The following FERMT2 variants were observed in gnomAD, a reference collection of about 807,000 sequenced individuals.
The protein encoded by FERMT2 is fermitin family homolog 2.
In FERMT2, 15 loss-of-function variants were observed where a neutral mutation model predicts 82.7. That is an observed-to-expected ratio of 0.18 (90% CI 0.12 to 0.28). The LOEUF is 0.28. Among genes scored for constraint, FERMT2 ranks in the 10% least tolerant of loss-of-function variants. The pLI, the probability that FERMT2 is intolerant of heterozygous loss-of-function variation, is 1.00. For synonymous variants in FERMT2, 274 were observed against 271.5 expected (o/e 1.01, Z -0.09); for missense variants, 645 against 809.4 (o/e 0.80, Z 2.46).
At position 52,893,440 on chromosome 14, in the gene FERMT2, T is replaced by C. The variant is rs373608392; in HGVS notation, c.392-13A>G. On this transcript the variant is annotated splice_polypyrimidine_tract_variant and intron_variant, in intron 3 of 14. Coordinates refer to ENST00000341590, the MANE Select transcript of FERMT2 (RefSeq NM_006832.3). Reference sequence around the variant, plus strand: ...GGGTGTCTGATATCTGTTAATAAAATAGATTGTTTTACTAGAACAAAGGAA... The same window carrying C: ...GGGTGTCTGATATCTGTTAATAAAACAGATTGTTTTACTAGAACAAAGGAA... 3 of 1,564,868 alleles carry C rather than the reference T, an allele frequency of 1.9e-6. No individual in the cohort carries two copies. Among genetic ancestry groups the C allele is most frequent in the Admixed American group, 2.0e-5 (1 of 50,746 alleles).
intron 14 of FERMT2, 120 bp from the exon 15 acceptor site, chr14:52,858,670 T>C (rs1884712388): frequency 2.3e-6 from 2 of 868,948 alleles, no homozygotes; most frequent in Non-Finnish European, 3.5e-6. Flanking sequence ...CCTCAAATGA[T>C]CAGTCTGTCT....
intron 14 of FERMT2, chr14:52,859,325 G>A (rs558480608): frequency 1.7e-4 from 62 of 363,994 alleles, no homozygotes; most frequent in African/African-American, 1.3e-3. Context: ...AGAGTAGATC[G>A]GCTTTATCCA....
intron 14 of FERMT2, 80 bp from the exon 15 acceptor site, chr14:52,858,630 A>AG: frequency 7.8e-7 from 1 of 1,282,818 alleles, no homozygotes; most frequent in South Asian, 1.3e-5. Flanking sequence ...TGCTACTTAA[A>AG]GTCTGTCATA....
At chr14:52,886,484 C>T (rs1468785773) in intron 4 of FERMT2, among the ~76,000 whole-genome samples, 1 of 152,124 alleles carries the variant, frequency 6.6e-6, no homozygotes, top group Non-Finnish European at 1.5e-5. Context: ...GTGTACACCA[C>T]AACGCCCAGC....
intron 3 of FERMT2, among the ~76,000 whole-genome samples, chr14:52,904,322 G>A (rs903096595): frequency 6.6e-6 from 1 of 152,240 alleles, no homozygotes; most frequent in African/African-American, 2.4e-5. Flanking sequence ...TTGGAGACCA[G>A]CCTGGCCAAC....
At chr14:52,946,025 C>T (rs1338067163) in intron 2 of FERMT2, among the ~76,000 whole-genome samples, 1 of 152,028 alleles carries the variant, frequency 6.6e-6, no homozygotes, top group Non-Finnish European at 1.5e-5. Context: ...TACAGGTGCC[C>T]ATCACCATAC....
At position 52,869,122 on chromosome 14, in the gene FERMT2, G is replaced by T. The variant is rs997012761; in HGVS notation, c.1273+3677C>A. Among the ~76,000 whole-genome samples the T allele has an allele frequency of 2.0e-5, 3 of 152,144 alleles. No homozygotes were observed. The East Asian group carries it at 5.8e-4, about 29-fold the overall frequency. ...ACAGTGGATCATTTACGCTGGTCCT[G>T]GGCAGCTGAAGAGGGAAGCAGGAGA... On this transcript the variant is annotated intron_variant, in intron 10 of 14. Coordinates refer to ENST00000341590, the MANE Select transcript of FERMT2 (RefSeq NM_006832.3).
chr14:52,860,790 C>G (rs764094441), intron 12 of FERMT2: 1 of 581,228 alleles, frequency 1.7e-6, no homozygotes, highest in African/African-American at 1.9e-5. Flanking sequence ...CACATATACA[C>G]GAGTTTTAAT....
At chr14:52,862,925 C>CTTTTA (rs1297005842) in intron 12 of FERMT2, 1 of 152,166 alleles carries the variant, frequency 6.6e-6, no homozygotes, top group Non-Finnish European at 1.5e-5. Flanking sequence ...TGTGGCAGCT[C>CTTTTA]TCGTTTAAGC....
At chr14:52,887,738 C>A (rs1886697330) in intron 4 of FERMT2, among the ~76,000 whole-genome samples, 1 of 151,910 alleles carries the variant, frequency 6.6e-6, no homozygotes, top group Admixed American at 6.6e-5. Flanking sequence ...TAGCTCTGCT[C>A]CTTATTACCT....
chr14:52,860,755 T>G, intron 12 of FERMT2: 1 of 569,766 alleles, frequency 1.8e-6, no homozygotes. Flanking sequence ...ACGGTACTAC[T>G]ATTACAGAAC....
rs763706765 is a variant in FERMT2, at chr14:52,864,545, G to A, written c.1458C>T (p.Asn486=). ...KGKTMADSSY[N]LEVQNILSFL... is the part of the protein sequence containing the mutation. ...AGGAAAGAATATTCTGAACTTCTAAGTTGTAAGAACTGTCCGCCATGGTCT... is the reference window on the plus strand; with the variant it reads ...AGGAAAGAATATTCTGAACTTCTAAATTGTAAGAACTGTCCGCCATGGTCT... The change falls in exon 12 of 15, where the codon AAC becomes AAT. Residue 486 remains asparagine (N), a synonymous_variant. Transcript: ENST00000341590. 6 of 1,614,050 alleles carry A rather than the reference G, an allele frequency of 3.7e-6. No individual in the cohort carries two copies. The African/African-American group carries it at 8.0e-5, about 22-fold the overall frequency.
At chr14:52,892,165 T>TG (rs1481176472) in intron 4 of FERMT2, among the ~76,000 whole-genome samples, 20 of 56,922 alleles carry the variant, frequency 3.5e-4, no homozygotes, top group African/African-American at 8.2e-4. Flanking sequence ...GGCTGTTTTT[T>TG]GTTTTTTTTT....
intron 2 of FERMT2, among the ~76,000 whole-genome samples, chr14:52,935,713 G>A (rs1889804846): frequency 1.3e-5 from 2 of 152,170 alleles, no homozygotes; most frequent in South Asian, 4.1e-4. Context: ...GACTAAGACA[G>A]AAACTAAACC....
chr14:52,926,709 G>A (rs1396894520), intron 2 of FERMT2, among the ~76,000 whole-genome samples: 1 of 151,922 alleles, frequency 6.6e-6, no homozygotes, highest in Non-Finnish European at 1.5e-5. Flanking sequence ...AGGCTCGGGG[G>A]TGGGGCGTGG....
chr14:52,904,607 C>G (rs920156055), intron 3 of FERMT2, among the ~76,000 whole-genome samples: 14 of 149,622 alleles, frequency 9.4e-5, no homozygotes, highest in Non-Finnish European at 2.1e-4. Context: ...GCATGAGAAT[C>G]GCCTGAACCT....
At chr14:52,930,262 G>A (rs1215840459) in intron 2 of FERMT2, among the ~76,000 whole-genome samples, 1 of 152,102 alleles carries the variant, frequency 6.6e-6, no homozygotes, top group Non-Finnish European at 1.5e-5. Flanking sequence ...GAATTTCTTT[G>A]CTCAAGACAA....
At chr14:52,877,487 C>T (rs1217513859) in intron 7 of FERMT2, among the ~76,000 whole-genome samples, 3 of 150,776 alleles carry the variant, frequency 2.0e-5, no homozygotes, top group African/African-American at 7.3e-5. Context: ...ATTAATCCAT[C>T]TGTCACCTGG....
At chr14:52,889,215 G>C (rs1886790339) in intron 4 of FERMT2, among the ~76,000 whole-genome samples, 1 of 152,168 alleles carries the variant, frequency 6.6e-6, no homozygotes, top group African/African-American at 2.4e-5. Flanking sequence ...TTTTGGACAA[G>C]AAGTTGCTCA....
Sources: gnomAD v4.1 joint callset for allele counts (sites outside exome capture counted in the v4.1 genomes callset) on GRCh38, gnomAD v4.1.1 for gene constraint, MANE v1.5 for transcripts, NCBI Gene and HGNC (gene_info 2026-07-23, HGNC 2026-07-21) for gene names.